Variants in COPG2 observed in about 807,000 individuals in gnomAD.
COPG2 encodes coat protein complex I subunit gamma 2, also known as coatomer subunit gamma-2.
In COPG2, 37 loss-of-function variants were observed where a neutral mutation model predicts 46.3. The observed-to-expected ratio is 0.80, with a 90% CI of 0.61 to 1.05. The LOEUF (loss-of-function observed/expected upper bound fraction) is 1.05, where lower values mean the gene tolerates loss of function less well. Ranked by LOEUF, COPG2 falls within the 50% of genes least tolerant of loss-of-function variation. The probability of loss-of-function intolerance (pLI) is 0.00; values close to 1 mark genes in which losing one functional copy is unlikely to be tolerated. For missense variants in COPG2, 427 were observed against 387.8 expected, an observed-to-expected ratio of 1.10 and a Z score of -0.85; for synonymous variants, 159 against 129.7, an observed-to-expected ratio of 1.23 and a Z score of -1.53.
At chr7:130,590,538 G>A (rs1187703320) in intron 9 of COPG2, among the ~76,000 whole-genome samples, 6 of 152,146 alleles carry the variant, frequency 3.9e-5, no homozygotes, top group African/African-American at 9.7e-5. Flanking sequence ...GATGGCAGAC[G>A]GAGTTGCGTT....
intron 9 of COPG2, among the ~76,000 whole-genome samples, chr7:130,595,321 C>CA (rs570904441): frequency 6.6e-6 from 1 of 151,900 alleles, no homozygotes; most frequent in Admixed American, 6.6e-5. Context: ...AATCCAGAGA[C>CA]AAAAAAATGG....
At chr7:130,528,046 C>A (rs1056335074) in intron 20 of COPG2, among the ~76,000 whole-genome samples, 1 of 152,154 alleles carries the variant, frequency 6.6e-6, no homozygotes, top group South Asian at 2.1e-4. Context: ...GGAAGAAGAG[C>A]GTCTTGAAGA....
chr7:130,537,936 C>T (rs1000844516), intron 20 of COPG2, among the ~76,000 whole-genome samples: 29 of 151,942 alleles, frequency 1.9e-4, no homozygotes, highest in Non-Finnish European at 3.5e-4. Context: ...CATGGCGAGA[C>T]GATGAAAGGC....
In COPG2 at chr7:130,506,469, C is replaced by A. The variant is rs1270312852; in HGVS notation, c.*207G>T. On this transcript the variant is annotated 3_prime_UTR_variant, in exon 24 of 24. Transcript: ENST00000425248. ...AGCTGCACTATCGTCCCAAAGCTGA[C>A]CAAGTAGAATAAAAAGAAAAAAAAA... The A allele has an allele frequency of 5.5e-6, 2 of 361,274 alleles. No individual in the cohort carries two copies. Among genetic ancestry groups the A allele is most frequent in the South Asian group, 4.2e-5 (1 of 23,562 alleles). 22.4% of individuals were successfully genotyped at this position (361,274 alleles called of 1,614,324 possible).
At chr7:130,592,034 CTT>C (rs1358908639) in intron 9 of COPG2, among the ~76,000 whole-genome samples, 3 of 152,144 alleles carry the variant, frequency 2.0e-5, no homozygotes, top group Non-Finnish European at 4.4e-5. Context: ...ACATGGGAGA[CTT>C]TTCATTTTGT....
In COPG2 at chr7:130,531,044, G is replaced by T. The variant is rs1226719186; in HGVS notation, c.2149+16630C>A. 6.7e-5 allele frequency among the ~76,000 whole-genome samples: 10 copies of T among 148,930 alleles called. 1 individual carries two copies. Among genetic ancestry groups the T allele is most frequent in the South Asian group, 6.6e-4 (3 of 4,574 alleles). On this transcript the variant is annotated intron_variant, in intron 20 of 23. Transcript: ENST00000425248. Reference sequence around the variant, plus strand: ...GGGCCAGGCTCTTTACTACGGATCCGGTGGGGAAGGGTGGGTGGTGGGGAT... The same window carrying T: ...GGGCCAGGCTCTTTACTACGGATCCTGTGGGGAAGGGTGGGTGGTGGGGAT...
chr7:130,599,184 G>C (rs1554450054), intron 9 of COPG2, among the ~76,000 whole-genome samples: 2 of 152,134 alleles, frequency 1.3e-5, no homozygotes, highest in African/African-American at 4.8e-5. Flanking sequence ...GTCTCTGAGG[G>C]GGATAAAATG....
chr7:130,520,946 T>G (rs1313355328), intron 20 of COPG2, among the ~76,000 whole-genome samples: 1 of 152,180 alleles, frequency 6.6e-6, no homozygotes. Flanking sequence ...AATAATTAGG[T>G]CATTATCCTT....
chr7:130,620,227 T>A (rs978123585), intron 5 of COPG2, among the ~76,000 whole-genome samples: 1 of 152,146 alleles, frequency 6.6e-6, no homozygotes, highest in Non-Finnish European at 1.5e-5. Flanking sequence ...TCAATGAGTG[T>A]CTGTTAAGTG....
intron 9 of COPG2, among the ~76,000 whole-genome samples, chr7:130,599,866 T>C (rs1046934055): frequency 6.6e-6 from 1 of 152,324 alleles, no homozygotes; most frequent in Non-Finnish European, 1.5e-5. Context: ...GTGGTCATTA[T>C]AAGGGTGTTT....
intron 9 of COPG2, chr7:130,607,427 A>G (rs1794756522): frequency 4.6e-6 from 2 of 433,046 alleles, no homozygotes; most frequent in East Asian, 7.1e-5. Flanking sequence ...ACTTCTGGCA[A>G]TTTTTACCAT....
chr7:130,574,656 A>C (rs554265686), intron 9 of COPG2, among the ~76,000 whole-genome samples: 1 of 152,194 alleles, frequency 6.6e-6, no homozygotes, highest in South Asian at 2.1e-4. Context: ...TCCCCCCCCA[A>C]AAAAATTACA....
intron 5 of COPG2, among the ~76,000 whole-genome samples, chr7:130,639,547 AT>A (rs1354434437): frequency 1.3e-5 from 2 of 152,096 alleles, no homozygotes; most frequent in African/African-American, 4.8e-5. Context: ...TATCCTGCAT[AT>A]TTTGATTATG....
At chr7:130,572,656 T>C (rs1554445692) in intron 9 of COPG2, among the ~76,000 whole-genome samples, 1 of 152,012 alleles carries the variant, frequency 6.6e-6, no homozygotes, top group African/African-American at 2.4e-5. Context: ...GAGAAAATAT[T>C]TGAAGTTGAA....
chr7:130,662,515 A>G (rs1795998513), intron 4 of COPG2, among the ~76,000 whole-genome samples: 1 of 152,202 alleles, frequency 6.6e-6, no homozygotes, highest in South Asian at 2.1e-4. Context: ...GGCCTAAGGT[A>G]ATGAGAGGCA....
chr7:130,522,511 C>A (rs934757631), intron 20 of COPG2, among the ~76,000 whole-genome samples: 271 of 152,066 alleles, frequency 1.8e-3, no homozygotes, highest in African/African-American at 6.3e-3. Context: ...GAGTATAGGT[C>A]GCTTTCATGT....
At chr7:130,572,339 G>T (rs563147109) in intron 9 of COPG2, among the ~76,000 whole-genome samples, 1 of 152,260 alleles carries the variant, frequency 6.6e-6, no homozygotes, top group South Asian at 2.1e-4. Context: ...GGATACAGAA[G>T]ACTTGAACAA....
rs940526527 is a variant in COPG2, at chr7:130,574,702, A to G, written c.738-10309T>C. ...AGCAATGGATCTAAGCCAAGAAGAAATCCTTGATTTACCTGTAAAAGAATT... is the reference window on the plus strand; with the variant it reads ...AGCAATGGATCTAAGCCAAGAAGAAGTCCTTGATTTACCTGTAAAAGAATT... On this transcript the variant is annotated intron_variant, in intron 9 of 23. Coordinates refer to ENST00000425248, the MANE Select transcript of COPG2 (RefSeq NM_012133.6). Among the ~76,000 whole-genome samples the G allele has an allele frequency of 3.9e-5, 6 of 152,174 alleles. 1 individual carries two copies. The highest frequency in any genetic ancestry group is 8.8e-5 in the Non-Finnish European group (6 of 68,036).
Position 130,526,821 on chromosome 7 carries a change from G to C in COPG2, c.2150-18162C>G, listed in dbSNP as rs998965904. Among the ~76,000 whole-genome samples, 206 of 150,274 alleles carry C rather than the reference G, an allele frequency of 1.4e-3. 1 individual carries two copies. The highest frequency in any genetic ancestry group is 8.6e-3 in the Admixed American group (129 of 15,038). ...TCTTTACTACGGATCCGGCGGGAAAGGGTGGGTGGTGGGGATGGGGTTCGG... is the reference window on the plus strand; with the variant it reads ...TCTTTACTACGGATCCGGCGGGAAACGGTGGGTGGTGGGGATGGGGTTCGG... On this transcript the variant is annotated intron_variant, in intron 20 of 23. Transcript: ENST00000425248.
Sources: allele counts gnomAD v4.1 joint callset (sites outside exome capture counted in the v4.1 genomes callset), GRCh38; gene constraint gnomAD v4.1.1; transcripts MANE v1.5; gene names NCBI Gene and HGNC (gene_info 2026-07-23, HGNC 2026-07-21).